HNRNPM: variants seen among roughly 807,000 people sequenced by gnomAD.
HNRNPM encodes heterogeneous nuclear ribonucleoprotein M.
In HNRNPM, 11 loss-of-function variants were observed where a neutral mutation model predicts 73.1. The observed-to-expected ratio is 0.15, with a 90% CI of 0.09 to 0.25. HNRNPM has a LOEUF of 0.25. HNRNPM is among the 10% of genes least tolerant of loss of function. HNRNPM has a pLI of 1.00. For missense variants in HNRNPM, 789 were observed against 1,067.9 expected, an observed-to-expected ratio of 0.74 and a Z score of 3.64; for synonymous variants, 407 against 355.2, an observed-to-expected ratio of 1.15 and a Z score of -1.64.
At chr19:8,461,321 A>G (rs1969381703) in intron 2 of HNRNPM, among the ~76,000 whole-genome samples, 1 of 152,210 alleles carries the variant, frequency 6.6e-6, no homozygotes, top group Admixed American at 6.5e-5. Flanking sequence ...CTATAGCCTC[A>G]TAATTTTAAT....
rs1050220014 is a variant in HNRNPM at position 8,455,546 on chromosome 19, G to A, written c.255G>A (p.Gln85=). 35 of 1,613,808 alleles carry A rather than the reference G, an allele frequency of 2.2e-5. No individual in the cohort carries two copies. The highest frequency in any genetic ancestry group is 3.0e-5 in the Non-Finnish European group (35 of 1,179,856). Residue 85 remains glutamine, a synonymous_variant, in exon 2 of 16, where the codon CAG becomes CAA. Transcript: ENST00000325495. ...ACATACCTTTTGATGTGAAATGGCA[G>A]TCACTTAAAGACCTGGTTAAAGAAA... ...ITNIPFDVKW[Q]SLKDLVKEKV... is the part of the protein sequence containing the mutation.
In HNRNPM at chr19:8,455,391, T is replaced by C; in HGVS notation, c.114-14T>C. 1 of 1,601,704 alleles carries C rather than the reference T, an allele frequency of 6.2e-7. No homozygotes were observed. The highest frequency in any genetic ancestry group is 8.5e-7 in the Non-Finnish European group (1 of 1,174,970). ...ATAAACCCTTTACCTTTTTTTCCTC[T>C]CTCTCGAATTCAGTGAAGGAGAACG... On this transcript the variant is annotated splice_polypyrimidine_tract_variant and intron_variant, in intron 1 of 15. Coordinates refer to ENST00000325495, the MANE Select transcript of HNRNPM (RefSeq NM_005968.5).
intron 1 of HNRNPM, among the ~76,000 whole-genome samples, chr19:8,451,527 C>G (rs1322625100): frequency 6.6e-6 from 1 of 151,256 alleles, no homozygotes; most frequent in Non-Finnish European, 1.5e-5. Flanking sequence ...GAATATGTCC[C>G]TCCCCTTCCC....
In HNRNPM at chr19:8,445,048, A is replaced by G. The variant is rs745888840; in HGVS notation, c.50A>G (p.Lys17Arg). 9.1e-6 allele frequency: 13 copies of G among 1,431,404 alleles called. No individual in the cohort carries two copies. The highest frequency in any genetic ancestry group is 1.2e-5 in the Non-Finnish European group (13 of 1,096,546). 88.7% of individuals were successfully genotyped at this position (1,431,404 alleles called of 1,614,324 possible). A position where few individuals can be genotyped will look rare whatever the true frequency, so the allele number is the denominator to read the frequency against. ...AAAEVAATEI[K>R]MEEESGAPGV... ...GCGGAGGTGGCGGCGACGGAGATCA[A>G]AATGGAGGAAGAGAGCGGCGCGCCC... is the stretch of plus-strand genomic sequence containing the variant. The change falls in exon 1 of 16, where the codon AAA becomes AGA. Residue 17 changes from lysine to arginine, a missense_variant. This residue lies in a region of HNRNPM where 79 missense variants were observed against 70.7 expected (regional missense o/e 1.12). Transcript: ENST00000325495.
At chr19:8,446,041 A>T (rs1346353267) in intron 1 of HNRNPM, among the ~76,000 whole-genome samples, 1 of 151,998 alleles carries the variant, frequency 6.6e-6, no homozygotes, top group African/African-American at 2.4e-5. Context: ...CTGATTACAG[A>T]CACTTAAGAG....
chr19:8,450,259 G>A (rs1456789932), intron 1 of HNRNPM, among the ~76,000 whole-genome samples: 1 of 152,044 alleles, frequency 6.6e-6, no homozygotes, highest in Non-Finnish European at 1.5e-5. Context: ...CAGGGTATTG[G>A]GATTGCCATT....
intron 9 of HNRNPM, among the ~76,000 whole-genome samples, chr19:8,470,259 C>T (rs1020658978): frequency 5.9e-5 from 9 of 152,322 alleles, no homozygotes; most frequent in East Asian, 1.9e-4. Flanking sequence ...TCAGATGAAA[C>T]GCCTGGGAAG....
intron 5 of HNRNPM, chr19:8,463,912 C>G (rs571776245): frequency 2.0e-6 from 1 of 509,820 alleles, no homozygotes; most frequent in Admixed American, 3.4e-5. Context: ...CTTCTAATAT[C>G]TGTGATTTGT....
At position 8,488,828 on chromosome 19, in the gene HNRNPM, G is replaced by A; in HGVS notation, c.2167G>A (p.Asp723Asn). 1 of 1,614,118 alleles carries A rather than the reference G, an allele frequency of 6.2e-7. No individual in the cohort carries two copies. The highest frequency in any genetic ancestry group is 8.5e-7 in the Non-Finnish European group (1 of 1,180,018). The change falls in exon 16 of 16, where the codon GAC becomes AAC. Residue 723 changes from aspartate (D) to asparagine (N), a missense_variant. By Grantham distance (23) the Asp-to-Asn change is conservative. This residue lies in a region of HNRNPM where 43 missense variants were observed against 105.8 expected (regional missense o/e 0.41). Coordinates refer to ENST00000325495, the MANE Select transcript of HNRNPM (RefSeq NM_005968.5). ...NGMKLSGREI[D>N]VRIDRNA ...CATGAAGCTGAGTGGCCGAGAGATT[G>A]ACGTTCGAATTGATAGAAACGCTTA...
At chr19:8,471,181 AT>A in intron 9 of HNRNPM, 144 bp from the exon 10 acceptor site, 1 of 420,552 alleles carries the variant, frequency 2.4e-6, no homozygotes, top group Non-Finnish European at 4.2e-6. Flanking sequence ...CCGATGTTGA[AT>A]TTTGCATTGG....
Position 8,462,496 on chromosome 19 carries a change from T to C in HNRNPM, c.284-33T>C. On this transcript the variant is annotated intron_variant, in intron 2 of 15. Coordinates refer to ENST00000325495, the MANE Select transcript of HNRNPM (RefSeq NM_005968.5). The surrounding 1 kb of genome is among the most constrained non-coding windows in gnomAD (Gnocchi z 4.5). ...CATTGTTTTCTTGGCTTTTCTCCCT[T>C]GGTTTATGTGTCGTCTGGAAACTGA... 1 of 1,594,154 alleles carries C rather than the reference T, an allele frequency of 6.3e-7. No homozygotes were observed. The highest frequency in any genetic ancestry group is 8.6e-7 in the Non-Finnish European group (1 of 1,161,728).
At chr19:8,447,045 A>G (rs533556914) in intron 1 of HNRNPM, among the ~76,000 whole-genome samples, 2 of 152,320 alleles carry the variant, frequency 1.3e-5, no homozygotes, top group East Asian at 3.9e-4. Context: ...TTAATAGATT[A>G]CAAATTTTCC....
intron 13 of HNRNPM, 39 bp downstream of exon 13, chr19:8,483,250 C>G (rs1351530849): frequency 3.3e-6 from 5 of 1,519,216 alleles, no homozygotes; most frequent in Non-Finnish European, 4.6e-6. Context: ...TTTTTTAGAA[C>G]AGGCTGTTAT....
intron 14 of HNRNPM, among the ~76,000 whole-genome samples, 189 bp from the exon 15 acceptor site, chr19:8,486,835 G>T (rs925704951): frequency 1.3e-5 from 2 of 152,236 alleles, no homozygotes; most frequent in Admixed American, 6.5e-5. Context: ...CAGGGAGGGA[G>T]CTGGCTGTGC....
rs554895435 is a variant in HNRNPM, at chr19:8,469,785, C to T, written c.895+951C>T. Among the ~76,000 whole-genome samples the T allele has an allele frequency of 2.6e-5, 4 of 152,280 alleles. No homozygotes were observed. The South Asian group carries it at 8.3e-4, about 32-fold the overall frequency. ...CTGTGCTGGGGTGACCTCCACCAGG[C>T]GGGTTGAGGGGGCCTGGTCTGGAGC... On this transcript the variant is annotated intron_variant, in intron 9 of 15. Transcript: ENST00000325495.
chr19:8,444,982 G>A lies in HNRNPM; in HGVS notation c.-17G>A, dbSNP rs780500486. ...GGTGCAGCCCGTTCGCTCACACAAA[G>A]CCCAGACGCGGAGAAAATGGCGGCA... On this transcript the variant is annotated 5_prime_UTR_variant, in exon 1 of 16. Transcript: ENST00000325495. The A allele has an allele frequency of 1.4e-6, 2 of 1,397,470 alleles. No homozygotes were observed. Among genetic ancestry groups the A allele is most frequent in the Non-Finnish European group, 9.3e-7 (1 of 1,075,608 alleles). 86.6% of individuals were successfully genotyped at this position (1,397,470 alleles called of 1,614,324 possible).
intron 7 of HNRNPM, 55 bp from the exon 8 acceptor site, chr19:8,467,480 T>A: frequency 7.4e-7 from 1 of 1,347,888 alleles, no homozygotes; most frequent in Non-Finnish European, 1.1e-6. Flanking sequence ...TCTTTTTGTA[T>A]TTCTCTTGTG....
intron 11 of HNRNPM, 148 bp downstream of exon 11, chr19:8,473,856 T>A (rs530167399): frequency 1.6e-6 from 1 of 640,832 alleles, no homozygotes; most frequent in African/African-American, 1.9e-5. Context: ...CTGTCCATCC[T>A]TCCAGCGGGT....
At chr19:8,472,880 C>T (rs1346002362) in intron 10 of HNRNPM, among the ~76,000 whole-genome samples, 7 of 152,188 alleles carry the variant, frequency 4.6e-5, no homozygotes, top group Non-Finnish European at 8.8e-5. Flanking sequence ...CCACGCCCAC[C>T]CTTAACAGGG....
Sources: allele counts gnomAD v4.1 joint callset (sites outside exome capture counted in the v4.1 genomes callset), GRCh38; gene constraint gnomAD v4.1.1; regional missense constraint gnomAD v4.1.1; non-coding constraint Gnocchi (gnomAD v3.1); transcripts MANE v1.5; gene names NCBI Gene and HGNC (gene_info 2026-07-23, HGNC 2026-07-21).